The following GRK5 variants were observed in gnomAD, a reference collection of about 807,000 sequenced individuals.
GRK5 encodes g protein-coupled receptor kinase GRK5.
Under a neutral mutation model 78.4 loss-of-function variants are expected in GRK5, and 40 were observed. The observed-to-expected ratio is 0.51, with a 90% CI of 0.40 to 0.66. GRK5 has a LOEUF of 0.66. GRK5 is among the 30% of genes least tolerant of loss of function. The probability of loss-of-function intolerance (pLI) is 0.00; values close to 1 mark genes in which losing one functional copy is unlikely to be tolerated. For missense variants in GRK5, 598 were observed against 759.9 expected (o/e 0.79, Z 2.50); for synonymous variants, 289 against 296.8 (o/e 0.97, Z 0.27).
At chr10:119,444,010 T>C (rs2133909991) in intron 12 of GRK5, among the ~76,000 whole-genome samples, 1 of 151,934 alleles carries the variant, frequency 6.6e-6, no homozygotes, top group African/African-American at 2.4e-5. Context: ...GGGAACAGTG[T>C]GGAACACCCT....
intron 4 of GRK5, among the ~76,000 whole-genome samples, chr10:119,399,627 T>C (rs1852114299): frequency 6.6e-6 from 1 of 152,190 alleles, no homozygotes; most frequent in Admixed American, 6.5e-5. Context: ...TGTAATACCA[T>C]GTCTCCCCCG....
At chr10:119,453,383 G>A in intron 15 of GRK5, 107 bp downstream of exon 15, 1 of 1,318,512 alleles carries the variant, frequency 7.6e-7, no homozygotes. Flanking sequence ...AGGCTTGGAA[G>A]TCTGGGGCAG....
chr10:119,363,082 C>G (rs1335295496), intron 2 of GRK5, among the ~76,000 whole-genome samples: 1 of 151,996 alleles, frequency 6.6e-6, no homozygotes, highest in Non-Finnish European at 1.5e-5. Context: ...GAGTTCAAGA[C>G]CAGCCTGGCC....
At chr10:119,409,834 C>G (rs978305559) in intron 4 of GRK5, among the ~76,000 whole-genome samples, 1 of 152,366 alleles carries the variant, frequency 6.6e-6, no homozygotes, top group Middle Eastern at 3.4e-3. Flanking sequence ...TTGGCGGGCC[C>G]TGCCCTCGCC....
intron 1 of GRK5, among the ~76,000 whole-genome samples, chr10:119,299,432 CA>C (rs35231977): frequency 1.5e-3 from 192 of 123,938 alleles, no homozygotes; most frequent in Admixed American, 1.6e-3. Flanking sequence ...GACTCCAGCT[CA>C]AAAAAAAAAA....
chr10:119,309,975 A>G (rs1415489143), intron 1 of GRK5, among the ~76,000 whole-genome samples: 2 of 152,052 alleles, frequency 1.3e-5, no homozygotes, highest in Non-Finnish European at 2.9e-5. Flanking sequence ...TGAGGCCCAG[A>G]GACTGTGGAG....
chr10:119,381,840 A>G (rs964636963), intron 3 of GRK5, among the ~76,000 whole-genome samples: 13 of 152,114 alleles, frequency 8.5e-5, no homozygotes, highest in African/African-American at 3.1e-4. Flanking sequence ...CCCGACCTCT[A>G]TCTCAGTTTG....
rs180895520 is a variant in GRK5 at position 119,331,980 on chromosome 10, G to C, written c.148+5369G>C. Among the ~76,000 whole-genome samples, 4 of 152,294 alleles carry C rather than the reference G, an allele frequency of 2.6e-5. No homozygotes were observed. The East Asian group carries it at 7.7e-4, about 29-fold the overall frequency. On this transcript the variant is annotated intron_variant, in intron 2 of 15. Transcript: ENST00000392870. ...ATAAAATAGAATACATAGGGTTACA[G>C]AGGAAACTGATCCTTTTTAAATATA...
chr10:119,326,468 C>A, intron 1 of GRK5, 48 bp from the exon 2 acceptor site: 1 of 1,516,152 alleles, frequency 6.6e-7, no homozygotes, highest in South Asian at 1.1e-5. Context: ...GCGGGGACGC[C>A]GCAGGCTCTG....
At chr10:119,298,946 C>A (rs1027620607) in intron 1 of GRK5, among the ~76,000 whole-genome samples, 3 of 152,168 alleles carry the variant, frequency 2.0e-5, no homozygotes, top group African/African-American at 7.2e-5. Flanking sequence ...ATGCTCCCTG[C>A]GGTGTGCACA....
In GRK5 at chr10:119,455,209, G is replaced by A. The variant is rs549025417; in HGVS notation, c.*142G>A. 56 of 741,268 alleles carry A rather than the reference G, an allele frequency of 7.6e-5. No individual in the cohort carries two copies. The highest frequency in any genetic ancestry group is 4.5e-4 in the African/African-American group (26 of 58,020). The allele number at this position is 741,268 out of a possible 1,614,324, so 45.9% of individuals were successfully genotyped here. On this transcript the variant is annotated 3_prime_UTR_variant, in exon 16 of 16. Transcript: ENST00000392870. ...GAAGGAGGCCGTCCATCCCGTCGAC[G>A]TAGAACCTCGAGGTTTCTCAAAGAA...
At chr10:119,215,409 G>T (rs1848554931) in intron 1 of GRK5, among the ~76,000 whole-genome samples, 1 of 151,740 alleles carries the variant, frequency 6.6e-6, no homozygotes, top group Non-Finnish European at 1.5e-5. Flanking sequence ...GCAGAGGGAG[G>T]CAGGGAGTTG....
At chr10:119,229,748 G>T (rs1320895922) in intron 1 of GRK5, among the ~76,000 whole-genome samples, 2 of 152,224 alleles carry the variant, frequency 1.3e-5, no homozygotes, top group African/African-American at 2.4e-5. Flanking sequence ...GTGGTCTTGA[G>T]CTGTGCCTTG....
At position 119,454,973 on chromosome 10, in the gene GRK5, A is replaced by G; in HGVS notation, c.1679A>G (p.Gln560Arg). ...LLQRLFKRQHQNNSKSSPSSK... is the reference protein window; with the variant it reads ...LLQRLFKRQHRNNSKSSPSSK... Reference sequence around the variant, plus strand: ...CTCCCCCAACCCCAACCCCAGCATCAGAACAATTCCAAGAGTTCGCCCAGC... The same window carrying G: ...CTCCCCCAACCCCAACCCCAGCATCGGAACAATTCCAAGAGTTCGCCCAGC... Residue 560 changes from glutamine (Q) to arginine (R), a missense_variant, in exon 16 of 16, where the codon CAG (glutamine) becomes CGG (arginine). Coordinates refer to ENST00000392870, the MANE Select transcript of GRK5 (RefSeq NM_005308.3). 2 of 1,612,056 alleles carry G rather than the reference A, an allele frequency of 1.2e-6. No individual in the cohort carries two copies. The highest frequency in any genetic ancestry group is 1.7e-6 in the Non-Finnish European group (2 of 1,178,382).
intron 1 of GRK5, among the ~76,000 whole-genome samples, chr10:119,290,663 T>C (rs1849940290): frequency 6.6e-6 from 1 of 151,928 alleles, no homozygotes; most frequent in South Asian, 2.1e-4. Flanking sequence ...TAGAATGTTG[T>C]CCTGTCCTCT....
At chr10:119,418,143 G>C (rs968772294) in intron 4 of GRK5, among the ~76,000 whole-genome samples, 2 of 152,202 alleles carry the variant, frequency 1.3e-5, no homozygotes, top group African/African-American at 4.8e-5. Flanking sequence ...GCGGCCCCAG[G>C]TTCCTCCAGT....
At chr10:119,332,921 A>G (rs532466094) in intron 2 of GRK5, among the ~76,000 whole-genome samples, 2 of 152,308 alleles carry the variant, frequency 1.3e-5, no homozygotes, top group East Asian at 1.9e-4. Context: ...TTCTAATTGC[A>G]TCCTTTCCCA....
At chr10:119,376,787 G>A (rs1851627972) in intron 2 of GRK5, among the ~76,000 whole-genome samples, 2 of 152,086 alleles carry the variant, frequency 1.3e-5, no homozygotes, top group South Asian at 4.1e-4. Flanking sequence ...GGCTGGTCTT[G>A]AACTCCTGAC....
At chr10:119,343,719 C>T (rs923378607) in intron 2 of GRK5, among the ~76,000 whole-genome samples, 24 of 152,198 alleles carry the variant, frequency 1.6e-4, no homozygotes, top group Admixed American at 3.3e-4. Context: ...GCCATGCCTC[C>T]TGTCTGAAAG....
Sources: allele counts gnomAD v4.1 joint callset (sites outside exome capture counted in the v4.1 genomes callset), GRCh38; gene constraint gnomAD v4.1.1; transcripts MANE v1.5; gene names NCBI Gene and HGNC (gene_info 2026-07-23, HGNC 2026-07-21).